The following CFAP107 variants were observed in gnomAD, a reference collection of about 807,000 sequenced individuals.
CFAP107 encodes the protein cilia- and flagella-associated protein 107.
the CFAP107 span, chr1:12,760,883 G>C: frequency 6.2e-7 from 1 of 1,614,102 alleles, no homozygotes. Context: ...ACCGTTGTGC[G>C]CTATGTCCTG....
At chr1:12,752,212 A>G in the CFAP107 span, among the ~76,000 whole-genome samples, 1 of 152,130 alleles carries the variant, frequency 6.6e-6, no homozygotes, top group East Asian at 1.9e-4. Flanking sequence ...CCTCAAGCAA[A>G]TAGTAGAAAC....
At chr1:12,759,269 C>T in the CFAP107 span, 66 of 1,599,074 alleles carry the variant, frequency 4.1e-5, no homozygotes, top group Middle Eastern at 1.7e-4. Flanking sequence ...GTGGATGCTT[C>T]GCTCCTATCA....
the CFAP107 span, chr1:12,759,275 T>C: frequency 6.2e-7 from 1 of 1,606,714 alleles, no homozygotes; most frequent in Non-Finnish European, 8.5e-7. Context: ...GCTTCGCTCC[T>C]ATCAGTAACG....
the CFAP107 span, among the ~76,000 whole-genome samples, chr1:12,752,048 T>C: frequency 7.9e-5 from 12 of 152,328 alleles, no homozygotes; most frequent in Non-Finnish European, 1.8e-4. Flanking sequence ...AGAATTAACA[T>C]CAGTCCTTCT....
the CFAP107 span, chr1:12,759,211 G>A: frequency 1.2e-5 from 16 of 1,374,740 alleles, no homozygotes; most frequent in African/African-American, 1.4e-5. Flanking sequence ...CTCTCCATCA[G>A]CACCACAGAC....
the CFAP107 span, among the ~76,000 whole-genome samples, chr1:12,757,156 G>GT: frequency 1.3e-5 from 2 of 152,132 alleles, no homozygotes; most frequent in Non-Finnish European, 2.9e-5. Flanking sequence ...TGTATGTGAG[G>GT]TATTGACCCT....
At chr1:12,759,631 T>C in the CFAP107 span, 2 of 910,058 alleles carry the variant, frequency 2.2e-6, 1 homozygote. Flanking sequence ...GGGGCTGAGT[T>C]CTATTGTACC....
the CFAP107 span, among the ~76,000 whole-genome samples, chr1:12,748,388 C>T: frequency 2.0e-5 from 3 of 148,726 alleles, no homozygotes; most frequent in Non-Finnish European, 3.0e-5. Context: ...CATCTGAAGT[C>T]GAAGAAGAAG....
the CFAP107 span, chr1:12,759,632 C>T: frequency 1.1e-6 from 1 of 889,104 alleles, no homozygotes; most frequent in Non-Finnish European, 1.8e-6. Context: ...GGGCTGAGTT[C>T]TATTGTACCC....
chr1:12,763,129 T>C, the CFAP107 span: 1 of 152,032 alleles, frequency 6.6e-6, no homozygotes, highest in African/African-American at 2.4e-5. Flanking sequence ...GAGGTTTCAG[T>C]GAGACCAGAT....
chr1:12,753,524 T>C, the CFAP107 span: 3 of 152,128 alleles, frequency 2.0e-5, no homozygotes, highest in South Asian at 6.2e-4. Context: ...GATAGATACA[T>C]AGACCTATAG....
the CFAP107 span, among the ~76,000 whole-genome samples, chr1:12,750,197 A>G: frequency 6.6e-6 from 1 of 152,224 alleles, no homozygotes; most frequent in South Asian, 2.1e-4. Flanking sequence ...ATTGTGTATA[A>G]TCCCCATGGG....
chr1:12,758,860 C>G, the CFAP107 span, among the ~76,000 whole-genome samples: 1 of 152,198 alleles, frequency 6.6e-6, no homozygotes, highest in South Asian at 2.1e-4. Context: ...ATTCTTCCCA[C>G]AGTAACAGAC....
At chr1:12,761,228 C>A in the CFAP107 span, 1 of 340,286 alleles carries the variant, frequency 2.9e-6, no homozygotes, top group Non-Finnish European at 5.3e-6. Flanking sequence ...ACAGGAAGGG[C>A]CCTTAAGTTC....
At chr1:12,762,861 T>A in the CFAP107 span, 2 of 145,258 alleles carry the variant, frequency 1.4e-5, no homozygotes, top group East Asian at 4.0e-4. Flanking sequence ...TGGGCTACAT[T>A]GGAAGAAGAA....
chr1:12,763,217 T>C, the CFAP107 span: 5 of 151,536 alleles, frequency 3.3e-5, no homozygotes, highest in Admixed American at 3.3e-4. Context: ...AAACTTACAC[T>C]AACGGTAGCT....
the CFAP107 span, chr1:12,762,659 C>A: frequency 6.6e-6 from 1 of 152,358 alleles, no homozygotes; most frequent in Non-Finnish European, 1.5e-5. Flanking sequence ...TATTGAGCAT[C>A]CATTGAGCCA....
the CFAP107 span, chr1:12,763,530 G>A: frequency 6.6e-6 from 1 of 152,170 alleles, no homozygotes; most frequent in African/African-American, 2.4e-5. Flanking sequence ...CACGTTTGAA[G>A]TCTCTGACTT....
chr1:12,747,040 A>G, the CFAP107 span, among the ~76,000 whole-genome samples: 192 of 148,412 alleles, frequency 1.3e-3, 1 homozygote, highest in African/African-American at 4.5e-3. Context: ...CCTTTCCACA[A>G]TCCTGCCCTA....
Sources: allele counts gnomAD v4.1 joint callset (sites outside exome capture counted in the v4.1 genomes callset), GRCh38; gene constraint gnomAD v4.1.1; transcripts MANE v1.5; gene names NCBI Gene and HGNC (gene_info 2026-07-23, HGNC 2026-07-21).